Variants in MROH9 observed in about 807,000 individuals in gnomAD.
The protein encoded by MROH9 is maestro heat-like repeat-containing protein family member 9.
Under a neutral mutation model 98.2 loss-of-function variants are expected in MROH9, and 92 were observed. The ratio of observed to expected loss-of-function variants is 0.94; its 90% CI spans 0.79 to 1.11. The LOEUF (loss-of-function observed/expected upper bound fraction) is 1.11. MROH9 is among the 50% of genes most tolerant of loss of function. MROH9 has a pLI of 0.00. For missense variants in MROH9, 1,057 were observed against 1,014.8 expected, an observed-to-expected ratio of 1.04 and a Z score of -0.57; for synonymous variants, 397 against 368.9, an observed-to-expected ratio of 1.08 and a Z score of -0.87.
chr1:170,976,251 T>C (rs1400222658), intron 8 of MROH9, among the ~76,000 whole-genome samples: 1 of 152,220 alleles, frequency 6.6e-6, no homozygotes. Flanking sequence ...TACTGGTCTG[T>C]GTACTTCAGT....
intron 8 of MROH9, among the ~76,000 whole-genome samples, chr1:170,980,626 G>C (rs541826854): frequency 6.6e-6 from 1 of 152,186 alleles, no homozygotes; most frequent in Admixed American, 6.5e-5. Flanking sequence ...ATCTCAAAAT[G>C]GATTAAGACT....
chr1:170,958,622 A>G, intron 4 of MROH9, 82 bp downstream of exon 4: 1 of 971,998 alleles, frequency 1.0e-6, no homozygotes, highest in Non-Finnish European at 1.6e-6. Context: ...GCAATTGTGA[A>G]AGATAAGAAA....
chr1:170,987,611 G>A (rs1651193376), intron 10 of MROH9, among the ~76,000 whole-genome samples: 1 of 152,078 alleles, frequency 6.6e-6, no homozygotes, highest in African/African-American at 2.4e-5. Context: ...TACATATATT[G>A]TGCAATGCCA....
chr1:171,057,376 G>A (rs1057162421), intron 20 of MROH9, among the ~76,000 whole-genome samples: 4 of 152,070 alleles, frequency 2.6e-5, no homozygotes, highest in Admixed American at 2.6e-4. Context: ...AGAGTTTGAA[G>A]ACCACTTTAT....
At chr1:171,046,727 G>A (rs903901121) in intron 20 of MROH9, among the ~76,000 whole-genome samples, 2 of 152,118 alleles carry the variant, frequency 1.3e-5, no homozygotes, top group Non-Finnish European at 2.9e-5. Context: ...AATATTCTGT[G>A]TTTTTTCTGT....
intron 6 of MROH9, among the ~76,000 whole-genome samples, chr1:170,963,562 G>A (rs946020407): frequency 6.6e-6 from 1 of 152,198 alleles, no homozygotes; most frequent in South Asian, 2.1e-4. Context: ...ATTCATAATA[G>A]CAAAGACATG....
chr1:171,045,042 C>T (rs973447886), intron 20 of MROH9, among the ~76,000 whole-genome samples: 1 of 104,410 alleles, frequency 9.6e-6, no homozygotes, highest in African/African-American at 3.6e-5. Flanking sequence ...CGCTCTTTCA[C>T]ACAGGCTGGA....
intron 10 of MROH9, among the ~76,000 whole-genome samples, chr1:170,989,567 G>A (rs544828403): frequency 2.0e-5 from 3 of 152,142 alleles, no homozygotes; most frequent in South Asian, 4.2e-4. Context: ...TTCCTATACC[G>A]AGCTTATATT....
intron 17 of MROH9, among the ~76,000 whole-genome samples, chr1:171,016,608 C>A (rs1208604251): frequency 1.3e-5 from 2 of 151,950 alleles, no homozygotes; most frequent in Non-Finnish European, 2.9e-5. Flanking sequence ...AACCCTATAT[C>A]TGGACTGCCT....
intron 6 of MROH9, among the ~76,000 whole-genome samples, chr1:170,962,933 A>G (rs1325592571): frequency 6.6e-6 from 1 of 151,990 alleles, no homozygotes; most frequent in Admixed American, 6.6e-5. Context: ...AATTTCGTGA[A>G]AAAGACACCA....
At chr1:170,953,314 T>C (rs1649627284) in intron 3 of MROH9, among the ~76,000 whole-genome samples, 1 of 152,096 alleles carries the variant, frequency 6.6e-6, no homozygotes, top group South Asian at 2.1e-4. Context: ...TTCTTAACGG[T>C]ATCTTTTGAA....
chr1:171,038,550 T>C (rs188644981), intron 20 of MROH9, among the ~76,000 whole-genome samples: 3 of 152,308 alleles, frequency 2.0e-5, no homozygotes, highest in Admixed American at 2.0e-4. Context: ...TGTGTGTACA[T>C]AGATATTTAT....
At chr1:171,027,963 C>T (rs1213524601) in intron 20 of MROH9, among the ~76,000 whole-genome samples, 6 of 152,068 alleles carry the variant, frequency 3.9e-5, no homozygotes, top group Admixed American at 3.9e-4. Flanking sequence ...GGGTAGATTG[C>T]AAAATTTTTC....
intron 15 of MROH9, among the ~76,000 whole-genome samples, chr1:171,013,058 C>G (rs1383929692): frequency 6.6e-6 from 1 of 152,124 alleles, no homozygotes; most frequent in Admixed American, 6.6e-5. Context: ...CTTCATATTC[C>G]TCAGGGCCTT....
At chr1:170,937,714 G>C (rs1014628260) in intron 1 of MROH9, among the ~76,000 whole-genome samples, 15 of 151,462 alleles carry the variant, frequency 9.9e-5, no homozygotes, top group African/African-American at 3.4e-4. Context: ...TAGTAGAGAC[G>C]GGGTTTCACC....
In MROH9 at chr1:171,064,310, T is replaced by A. The variant is rs1249386448; in HGVS notation, c.2556T>A (p.Ser852Arg). ...PNGQIDSPTD[S>R]KDVKNDKAL ...GCCAGATAGACAGTCCTACAGACAG[T>A]AAAGATGTCAAGAATGATAAGGCCT... The change falls in exon 22 of 22, where the codon AGT (serine) becomes AGA (arginine). Residue 852 changes from serine (S) to arginine (R), a missense_variant. Ser to Arg is a moderately radical substitution (Grantham distance 110, BLOSUM62 -1). Coordinates refer to ENST00000367759, the MANE Select transcript of MROH9 (RefSeq NM_001163629.2). The A allele has an allele frequency of 1.3e-6, 2 of 1,542,734 alleles. No homozygotes were observed. Among genetic ancestry groups the A allele is most frequent in the Non-Finnish European group, 1.7e-6 (2 of 1,144,746 alleles).
intron 8 of MROH9, among the ~76,000 whole-genome samples, chr1:170,977,500 T>A (rs994559658): frequency 6.6e-6 from 1 of 152,138 alleles, no homozygotes; most frequent in African/African-American, 2.4e-5. Context: ...AGTGAGATAT[T>A]TTGTTGTTGA....
At chr1:170,936,589 T>A (rs1444377088) in intron 1 of MROH9, among the ~76,000 whole-genome samples, 1 of 152,172 alleles carries the variant, frequency 6.6e-6, no homozygotes, top group Non-Finnish European at 1.5e-5. Context: ...GCTCACTCAG[T>A]TTGACACGTA....
chr1:171,019,927 G>C (rs1205066651), intron 17 of MROH9, among the ~76,000 whole-genome samples: 1 of 151,946 alleles, frequency 6.6e-6, no homozygotes, highest in Non-Finnish European at 1.5e-5. Context: ...AAAATGATAA[G>C]GGGGAAATCA....
Sources: allele counts gnomAD v4.1 joint callset (sites outside exome capture counted in the v4.1 genomes callset), GRCh38; gene constraint gnomAD v4.1.1; transcripts MANE v1.5; gene names NCBI Gene and HGNC (gene_info 2026-07-23, HGNC 2026-07-21).